Variants in IL1RAPL1 observed in about 807,000 individuals in gnomAD.
IL1RAPL1 encodes the protein interleukin 1 receptor accessory protein like 1.
IL1RAPL1 carries 3 observed loss-of-function variants against 48.4 expected under a neutral mutation model. That is an observed-to-expected ratio of 0.06 (90% CI 0.03 to 0.16). The LOEUF (loss-of-function observed/expected upper bound fraction) is 0.16. IL1RAPL1 is among the 10% of genes least tolerant of loss of function. The probability of loss-of-function intolerance (pLI) is 1.00; values close to 1 mark genes in which losing one functional copy is unlikely to be tolerated. For missense variants in IL1RAPL1, 349 were observed against 530.6 expected (o/e 0.66, Z 3.36); for synonymous variants, 185 against 187.7 (o/e 0.99, Z 0.12).
At chrX:29,251,848 A>G (rs897222765) in intron 2 of IL1RAPL1, among the ~76,000 whole-genome samples, 4 of 111,356 alleles carry the variant, frequency 3.6e-5, no homozygotes, top group Non-Finnish European at 5.7e-5. Flanking sequence ...AACAACATGT[A>G]TACGATATTG....
intron 3 of IL1RAPL1, 55 bp from the exon 4 acceptor site, chrX:29,396,203 C>A: frequency 1.0e-6 from 1 of 999,002 alleles, no homozygotes; most frequent in Non-Finnish European, 1.4e-6. Context: ...ACTGCCTTGG[C>A]AGCACTTGCT....
chrX:29,171,874 A>C (rs1403505876), intron 2 of IL1RAPL1, among the ~76,000 whole-genome samples: 1 of 112,488 alleles, frequency 8.9e-6, no homozygotes, highest in East Asian at 2.8e-4. Context: ...CATGCATTTG[A>C]ATGTTTATTG....
intron 5 of IL1RAPL1, among the ~76,000 whole-genome samples, chrX:29,493,127 G>A (rs1218797931): frequency 1.1e-4 from 12 of 111,520 alleles, no homozygotes; most frequent in African/African-American, 3.6e-4. Context: ...AAAGATTGAG[G>A]GTCCAGTTAA....
chrX:28,828,154 GAAC>G (rs1200710052), intron 2 of IL1RAPL1, among the ~76,000 whole-genome samples: 1 of 111,648 alleles, frequency 9.0e-6, no homozygotes, highest in Non-Finnish European at 1.9e-5. Flanking sequence ...CAGACAAGAA[GAAC>G]ATCAAAGTCA....
chrX:29,286,705 A>G (rs1052251216), intron 3 of IL1RAPL1, among the ~76,000 whole-genome samples: 6 of 111,430 alleles, frequency 5.4e-5, no homozygotes, highest in Non-Finnish European at 7.5e-5. Context: ...ATGAAATGAA[A>G]TAAAATAAAA....
intron 6 of IL1RAPL1, among the ~76,000 whole-genome samples, chrX:29,847,175 A>C (rs1204331745): frequency 8.9e-6 from 1 of 112,190 alleles, no homozygotes; most frequent in Admixed American, 9.5e-5. Flanking sequence ...ATCTAGAAAT[A>C]AGACCACGAG....
At chrX:29,950,828 A>C (rs368033104) in intron 9 of IL1RAPL1, among the ~76,000 whole-genome samples, 8 of 109,515 alleles carry the variant, frequency 7.3e-5, no homozygotes, top group South Asian at 8.1e-4. Context: ...AGGCGCCCGC[A>C]ACCACGCCTG....
chrX:29,364,807 G>T (rs746997024), intron 3 of IL1RAPL1, among the ~76,000 whole-genome samples: 3 of 110,734 alleles, frequency 2.7e-5, no homozygotes, highest in South Asian at 7.7e-4. Flanking sequence ...TTATAACAGG[G>T]ACTTGAACAT....
intron 2 of IL1RAPL1, among the ~76,000 whole-genome samples, chrX:29,179,112 G>GT (rs1930091583): frequency 9.0e-6 from 1 of 111,066 alleles, no homozygotes; most frequent in Non-Finnish European, 1.9e-5. Flanking sequence ...CTTTAAAGTA[G>GT]TTTTTTCCAA....
chrX:29,569,534 C>T (rs769813712), intron 5 of IL1RAPL1, among the ~76,000 whole-genome samples: 2 of 110,757 alleles, frequency 1.8e-5, no homozygotes, highest in African/African-American at 6.5e-5. Flanking sequence ...TAACTCTCTT[C>T]ACTTTATCAC....
At chrX:29,323,751 AT>A (rs1932824131) in intron 3 of IL1RAPL1, among the ~76,000 whole-genome samples, 4 of 32,515 alleles carry the variant, frequency 1.2e-4, no homozygotes, top group African/African-American at 5.5e-4. Flanking sequence ...ATATATATAT[AT>A]ATATATATAT....
chrX:29,805,871 T>G (rs1930243602), intron 6 of IL1RAPL1, among the ~76,000 whole-genome samples: 1 of 109,701 alleles, frequency 9.1e-6, no homozygotes. Flanking sequence ...TATTATAGTC[T>G]TATATGACAG....
intron 3 of IL1RAPL1, among the ~76,000 whole-genome samples, chrX:29,342,146 G>C (rs1288997884): frequency 1.0e-5 from 1 of 95,435 alleles, no homozygotes; most frequent in African/African-American, 5.2e-5. Flanking sequence ...GTGTGTGTGT[G>C]TGTGTGTGTT....
intron 5 of IL1RAPL1, among the ~76,000 whole-genome samples, chrX:29,666,035 T>C (rs1388965077): frequency 9.0e-6 from 1 of 111,607 alleles, no homozygotes; most frequent in Non-Finnish European, 1.9e-5. Context: ...CCTTTTGATC[T>C]TTTTGTACCT....
chrX:29,905,955 GT>G lies in IL1RAPL1; in HGVS notation c.779-11502del, dbSNP rs756774152. Reference sequence around the variant, plus strand: ...ATGAATTGTAAATGGAGACAAAATTGTTTTTTTCCCCAGGTTATAGGGGGGA... The same window carrying G: ...ATGAATTGTAAATGGAGACAAAATTGTTTTTTCCCCAGGTTATAGGGGGGA... On this transcript the variant is annotated intron_variant, in intron 6 of 10. Coordinates refer to ENST00000378993, the MANE Select transcript of IL1RAPL1 (RefSeq NM_014271.4). 1.3e-4 allele frequency among the ~76,000 whole-genome samples: 14 copies of G among 111,000 alleles called. No individual in the cohort carries two copies. In the South Asian group the frequency reaches 4.6e-3, roughly 37 times the overall value.
At chrX:29,948,823 A>G (rs1933259449) in intron 9 of IL1RAPL1, among the ~76,000 whole-genome samples, 1 of 103,194 alleles carries the variant, frequency 9.7e-6, no homozygotes, top group Admixed American at 1.0e-4. Flanking sequence ...TGATTCATAT[A>G]TACTTGAGAA....
At chrX:29,008,273 CATT>C (rs1325636894) in intron 2 of IL1RAPL1, among the ~76,000 whole-genome samples, 1 of 110,535 alleles carries the variant, frequency 9.0e-6, no homozygotes, top group Non-Finnish European at 1.9e-5. Context: ...GGGTTCACAC[CATT>C]CTCCTGCCTC....
chrX:29,109,910 GT>G (rs1385248469), intron 2 of IL1RAPL1, among the ~76,000 whole-genome samples: 1 of 111,694 alleles, frequency 9.0e-6, no homozygotes, highest in East Asian at 2.8e-4. Flanking sequence ...ATAAAAGAGA[GT>G]TTTACTGGAA....
At chrX:29,578,329 G>A (rs373477114) in intron 5 of IL1RAPL1, among the ~76,000 whole-genome samples, 1 of 111,830 alleles carries the variant, frequency 8.9e-6, no homozygotes, top group Non-Finnish European at 1.9e-5. Context: ...TGTCTTCTTT[G>A]TACTTGTTTT....
Sources: allele counts gnomAD v4.1 joint callset (sites outside exome capture counted in the v4.1 genomes callset), GRCh38; gene constraint gnomAD v4.1.1; transcripts MANE v1.5; gene names NCBI Gene and HGNC (gene_info 2026-07-23, HGNC 2026-07-21).